The following DPP4 variants were observed in gnomAD, a reference collection of about 807,000 sequenced individuals.
The protein encoded by DPP4 is dipeptidyl peptidase 4, also known as ADCP-2.
A neutral mutation model predicts 122.4 loss-of-function variants in DPP4; 93 were observed. The observed-to-expected ratio is 0.76, with a 90% CI of 0.64 to 0.90. The LOEUF (loss-of-function observed/expected upper bound fraction) is 0.90. DPP4 is among the 40% of genes least tolerant of loss of function. The probability of loss-of-function intolerance (pLI) is 0.00; values close to 1 mark genes in which losing one functional copy is unlikely to be tolerated. For missense variants in DPP4, 914 were observed against 907.3 expected (o/e 1.01, Z -0.09); for synonymous variants, 321 against 302.9 (o/e 1.06, Z -0.62).
Position 161,993,227 on chromosome 2 carries a change from T to C in DPP4, c.*56A>G. ...TCATCTTGACAGTGCAGTTTTGAGA[T>C]AATGAAAACAAAAATGAGTTTTAAT... On this transcript the variant is annotated 3_prime_UTR_variant, in exon 26 of 26. Coordinates refer to ENST00000360534, the MANE Select transcript of DPP4 (RefSeq NM_001935.4). 3.0e-6 allele frequency: 4 copies of C among 1,337,258 alleles called. No homozygotes were observed. The highest frequency in any genetic ancestry group is 2.3e-5 in the East Asian group (1 of 43,400). The allele number at this position is 1,337,258 out of a possible 1,614,324, so 82.8% of individuals were successfully genotyped here.
chr2:162,034,545 T>A (rs1448084691), intron 9 of DPP4, among the ~76,000 whole-genome samples: 1 of 152,210 alleles, frequency 6.6e-6, no homozygotes, highest in Non-Finnish European at 1.5e-5. Flanking sequence ...CCATTATTAT[T>A]ACGGTACTAG....
chr2:162,070,954 C>T (rs1685093479), intron 2 of DPP4, among the ~76,000 whole-genome samples: 1 of 152,100 alleles, frequency 6.6e-6, no homozygotes, highest in Non-Finnish European at 1.5e-5. Flanking sequence ...CTCTCCTTTA[C>T]CTCTCTCTGT....
At chr2:162,000,017 C>T (rs150289090) in intron 23 of DPP4, among the ~76,000 whole-genome samples, 2 of 152,254 alleles carry the variant, frequency 1.3e-5, no homozygotes, top group East Asian at 1.9e-4. Context: ...ACATGTTGGC[C>T]TAACCCCAAA....
intron 10 of DPP4, among the ~76,000 whole-genome samples, chr2:162,028,985 G>T (rs1189217946): frequency 2.6e-5 from 4 of 152,156 alleles, no homozygotes; most frequent in African/African-American, 9.7e-5. Flanking sequence ...AATGTTGCTA[G>T]CTAGCTTCAC....
At chr2:162,073,524 C>T (rs1260011018) in intron 1 of DPP4, 38 bp from the exon 2 acceptor site, 3 of 1,599,800 alleles carry the variant, frequency 1.9e-6, no homozygotes, top group South Asian at 2.2e-5. Flanking sequence ...TAGAGGGAAG[C>T]GTGTGGCCCC....
rs1193229714 is a variant in DPP4 at position 161,993,060 on chromosome 2, A to T, written c.*223T>A. On this transcript the variant is annotated 3_prime_UTR_variant, in exon 26 of 26. Transcript: ENST00000360534. ...TGCAGAAATGATTTTAAACAATAAAACCCGACCGGATAATTCAAACTTCTG... is the reference window on the plus strand; with the variant it reads ...TGCAGAAATGATTTTAAACAATAAATCCCGACCGGATAATTCAAACTTCTG... The T allele has an allele frequency of 2.4e-6, 1 of 423,882 alleles. No individual in the cohort carries two copies. Among genetic ancestry groups the T allele is most frequent in the Non-Finnish European group, 4.3e-6 (1 of 233,896 alleles). 26.3% of individuals were successfully genotyped at this position (423,882 alleles called of 1,614,324 possible).
rs554872437 is a variant in DPP4, at chr2:162,057,264, A to C, written c.95-9763T>G. Among the ~76,000 whole-genome samples the C allele has an allele frequency of 3.3e-5, 5 of 152,274 alleles. No homozygotes were observed. In the East Asian group the frequency reaches 7.7e-4, roughly 23 times the overall value. The stretch of plus-strand genomic sequence containing the variant: ...CAAGAAGAACCTGTCAGACTATTAC[A>C]ACTCAGGTTCTAGACCACCACTAGC... On this transcript the variant is annotated intron_variant, in intron 2 of 25. Coordinates refer to ENST00000360534, the MANE Select transcript of DPP4 (RefSeq NM_001935.4).
chr2:162,025,704 G>A (rs1030832921), intron 10 of DPP4, among the ~76,000 whole-genome samples: 3 of 152,170 alleles, frequency 2.0e-5, no homozygotes, highest in Non-Finnish European at 2.9e-5. Context: ...GCAATGGATA[G>A]TTTATGCTTT....
At chr2:162,030,007 G>T (rs889119643) in intron 10 of DPP4, among the ~76,000 whole-genome samples, 2 of 152,080 alleles carry the variant, frequency 1.3e-5, no homozygotes, top group Admixed American at 6.5e-5. Context: ...ACAAATATTG[G>T]TTGGGCATAT....
Position 161,994,985 on chromosome 2 carries a change from A to G in DPP4, c.2175T>C (p.Asp725=). ...QSAQISKALV[D]VGVDFQAMWY... ...CCATTGCCTGGAAATCCACTCCAAC[A>G]TCGACCAGGGCTTTGGAGATCTGAG... The change falls in exon 25 of 26, where the codon GAT becomes GAC. Residue 725 remains aspartate (D), a synonymous_variant. Coordinates refer to ENST00000360534, the MANE Select transcript of DPP4 (RefSeq NM_001935.4). 6.2e-7 allele frequency: 1 copy of G among 1,614,102 alleles called. No individual in the cohort carries two copies. Among genetic ancestry groups the G allele is most frequent in the African/African-American group, 1.3e-5 (1 of 75,048 alleles).
At chr2:162,052,823 G>C (rs999671016) in intron 2 of DPP4, among the ~76,000 whole-genome samples, 2 of 152,156 alleles carry the variant, frequency 1.3e-5, no homozygotes, top group African/African-American at 4.8e-5. Context: ...TCAGAATGCT[G>C]GTAGAAATAT....
At chr2:162,037,420 A>G (rs1683817642) in intron 8 of DPP4, among the ~76,000 whole-genome samples, 1 of 152,190 alleles carries the variant, frequency 6.6e-6, no homozygotes, top group African/African-American at 2.4e-5. Flanking sequence ...AGGACATGAA[A>G]AGTTATCTTT....
At chr2:162,062,500 A>G (rs968337717) in intron 2 of DPP4, among the ~76,000 whole-genome samples, 3 of 152,204 alleles carry the variant, frequency 2.0e-5, no homozygotes, top group African/African-American at 7.2e-5. Flanking sequence ...ATGAGTTGTC[A>G]GCTGGAGGCT....
At position 162,070,687 on chromosome 2, in the gene DPP4, G is replaced by A. The variant is rs1685085844; in HGVS notation, c.94+2712C>T. On this transcript the variant is annotated intron_variant, in intron 2 of 25. Coordinates refer to ENST00000360534, the MANE Select transcript of DPP4 (RefSeq NM_001935.4). ...CTTGGGTGATGACTTTGACTTTTTT[G>A]TAAGGAATGCTGACCTTTATTATGG... Among the ~76,000 whole-genome samples the A allele has an allele frequency of 1.3e-5, 2 of 151,868 alleles. 1 individual carries two copies. Among genetic ancestry groups the A allele is most frequent in the Admixed American group, 1.3e-4 (2 of 15,248 alleles).
chr2:162,060,826 T>A (rs959501608), intron 2 of DPP4, among the ~76,000 whole-genome samples: 11 of 152,150 alleles, frequency 7.2e-5, no homozygotes, highest in Non-Finnish European at 1.0e-4. Context: ...GGGATTTTTT[T>A]AAAATCTTAC....
chr2:162,032,658 G>A (rs1375461640), intron 10 of DPP4, among the ~76,000 whole-genome samples: 2 of 151,166 alleles, frequency 1.3e-5, no homozygotes, highest in East Asian at 1.9e-4. Context: ...TAGCCTGGGC[G>A]ACAGAGCAAG....
At position 161,995,713 on chromosome 2, in the gene DPP4, A is replaced by G. The variant is rs530637196; in HGVS notation, c.2053-341T>C. Among the ~76,000 whole-genome samples, 15 of 152,286 alleles carry G rather than the reference A, an allele frequency of 9.8e-5. No individual in the cohort carries two copies. The East Asian group carries it at 1.2e-3, about 12-fold the overall frequency. On this transcript the variant is annotated intron_variant, in intron 23 of 25. Transcript: ENST00000360534. The stretch of plus-strand genomic sequence containing the variant: ...GGGCAGAGTCTCATATTAGTAATGT[A>G]TGTTCCATGGGCTTCTGCTGTAGTT...
In DPP4 at chr2:161,993,245, G is replaced by C. The variant is rs768542849; in HGVS notation, c.*38C>G. 3 of 1,507,666 alleles carry C rather than the reference G, an allele frequency of 2.0e-6. No individual in the cohort carries two copies. The highest frequency in any genetic ancestry group is 2.8e-6 in the Non-Finnish European group (3 of 1,084,072). 93.4% of individuals were successfully genotyped at this position (1,507,666 alleles called of 1,614,324 possible). On this transcript the variant is annotated 3_prime_UTR_variant, in exon 26 of 26. Coordinates refer to ENST00000360534, the MANE Select transcript of DPP4 (RefSeq NM_001935.4). ...TTTGAGATAATGAAAACAAAAATGA[G>C]TTTTAATAAGCTTTAAATGGCATGG...
Position 162,005,794 on chromosome 2 carries a change from T to C in DPP4, c.2003A>G (p.Glu668Gly). ...TGGAGTTGGGAGACCCATGTAACGT[T>C]CTGTGTACACTGAGTCTGTGAAAGA... ...RWEYYDSVYTERYMGLPTPED... is the reference protein window; with the variant it reads ...RWEYYDSVYTGRYMGLPTPED... Residue 668 changes from glutamate (E) to glycine (G), a missense_variant, in exon 23 of 26, where the codon GAA becomes GGA. Physicochemically the swap from Glu to Gly is moderately conservative, Grantham distance 98 (BLOSUM62 -2). Transcript: ENST00000360534. The C allele has an allele frequency of 6.2e-7, 1 of 1,612,992 alleles. No homozygotes were observed. The highest frequency in any genetic ancestry group is 8.5e-7 in the Non-Finnish European group (1 of 1,179,492).
Sources: allele counts gnomAD v4.1 joint callset (sites outside exome capture counted in the v4.1 genomes callset), GRCh38; gene constraint gnomAD v4.1.1; transcripts MANE v1.5; gene names NCBI Gene and HGNC (gene_info 2026-07-23, HGNC 2026-07-21).